Variants in EMSY observed in about 807,000 individuals in gnomAD.
EMSY encodes EMSY transcriptional repressor, BRCA2 interacting, also known as BRCA2-interacting transcriptional repressor EMSY.
In EMSY, 26 loss-of-function variants were observed where a neutral mutation model predicts 134.6. That is an observed-to-expected ratio of 0.19 (90% CI 0.14 to 0.27). The LOEUF (loss-of-function observed/expected upper bound fraction) is 0.27. Among genes scored for constraint, EMSY ranks in the 10% least tolerant of loss-of-function variants. EMSY has a pLI of 1.00. For synonymous variants in EMSY, 579 were observed against 577.8 expected (o/e 1.00, Z -0.03); for missense variants, 1,305 against 1,611.4 (o/e 0.81, Z 3.26).
chr11:76,545,812 A>G, exon 20 of EMSY: 1 of 1,606,748 alleles, frequency 6.2e-7, no homozygotes, highest in South Asian at 1.1e-5. Context: ...GCAGCCAATT[A>G]TAACCCAAGG....
At chr11:76,491,171 TTTTTTC>T (rs1262105970) in intron 8 of EMSY, among the ~76,000 whole-genome samples, 4 of 133,168 alleles carry the variant, frequency 3.0e-5, no homozygotes, top group Non-Finnish European at 6.5e-5. Context: ...TTTCTTCTTC[TTTTTTC>T]TTTTTTTTTT....
chr11:76,486,481 A>G (rs1332333295), intron 8 of EMSY, among the ~76,000 whole-genome samples: 2 of 152,206 alleles, frequency 1.3e-5, no homozygotes, highest in Admixed American at 6.5e-5. Flanking sequence ...AGAGTTTAAC[A>G]TGACGGATGC....
intron 9 of EMSY, among the ~76,000 whole-genome samples, chr11:76,512,641 T>A (rs1253703831): frequency 1.3e-5 from 2 of 150,488 alleles, no homozygotes; most frequent in African/African-American, 4.9e-5. Context: ...TTTTTCTAAA[T>A]GGGAAAAGGG....
At chr11:76,512,264 G>A (rs765097021) in intron 9 of EMSY, among the ~76,000 whole-genome samples, 9 of 151,848 alleles carry the variant, frequency 5.9e-5, no homozygotes, top group Non-Finnish European at 1.3e-4. Context: ...CATTTACCCC[G>A]AGAATACTTG....
chr11:76,450,076 CT>C (rs1947593583), intron 2 of EMSY, among the ~76,000 whole-genome samples: 1 of 134,590 alleles, frequency 7.4e-6, no homozygotes, highest in South Asian at 2.3e-4. Context: ...TTTTTTTTCC[CT>C]GCCTGCCTGG....
chr11:76,510,834 A>G (rs1950249068), intron 9 of EMSY, among the ~76,000 whole-genome samples: 1 of 152,200 alleles, frequency 6.6e-6, no homozygotes, highest in Non-Finnish European at 1.5e-5. Context: ...GTTCTTCTTC[A>G]CTGCAGCCAT....
At chr11:76,449,515 T>C (rs756932367) in intron 2 of EMSY, among the ~76,000 whole-genome samples, 1 of 152,210 alleles carries the variant, frequency 6.6e-6, no homozygotes, top group Non-Finnish European at 1.5e-5. Context: ...AGGTCACAAG[T>C]GTCAACTTCT....
chr11:76,537,931 A>C lies in EMSY; in HGVS notation c.2496A>C (p.Val832=), dbSNP rs143619304. The C allele has an allele frequency of 1.6e-5, 26 of 1,612,706 alleles. No individual in the cohort carries two copies. In the African/African-American group the frequency reaches 2.8e-4, roughly 17 times the overall value. The change falls in exon 16 of 21, where the codon GTA becomes GTC. Residue 832 remains valine, a synonymous_variant. Coordinates refer to ENST00000334736, the Ensembl canonical transcript of EMSY. ...TTGCTGTGGTAGAGTCAGAACTAGT[A>C]GCTGAATACATCACTACTGGTAGGT...
intron 8 of EMSY, among the ~76,000 whole-genome samples, chr11:76,480,834 A>G (rs1244202364): frequency 1.3e-5 from 2 of 152,186 alleles, no homozygotes; most frequent in African/African-American, 4.8e-5. Flanking sequence ...TCCCTCCCCT[A>G]GCCAAGGGAA....
intron 2 of EMSY, among the ~76,000 whole-genome samples, chr11:76,451,151 C>T (rs1265215213): frequency 1.3e-5 from 2 of 152,094 alleles, no homozygotes. Context: ...ATGAAGATGT[C>T]TAGTATTAGG....
intron 17 of EMSY, among the ~76,000 whole-genome samples, chr11:76,541,628 A>G (rs1480280824): frequency 1.3e-5 from 2 of 152,246 alleles, no homozygotes; most frequent in African/African-American, 4.8e-5. Flanking sequence ...ACAGGATCCA[A>G]GCGTGATTCT....
intron 7 of EMSY, among the ~76,000 whole-genome samples, chr11:76,469,266 G>A (rs915645031): frequency 6.6e-6 from 1 of 152,136 alleles, no homozygotes; most frequent in Non-Finnish European, 1.5e-5. Flanking sequence ...ATTAACTGTG[G>A]CATACTTTCC....
exon 19 of EMSY, chr11:76,544,787 C>T: frequency 6.2e-7 from 1 of 1,614,156 alleles, no homozygotes; most frequent in Non-Finnish European, 8.5e-7. Context: ...CCAAATGTCG[C>T]TCCCAGCTTC....
intron 7 of EMSY, among the ~76,000 whole-genome samples, chr11:76,464,832 C>A (rs781330153): frequency 6.6e-6 from 1 of 152,112 alleles, no homozygotes; most frequent in Non-Finnish European, 1.5e-5. Flanking sequence ...CTTTATTCTA[C>A]CTTCCCACTT....
intron 17 of EMSY, among the ~76,000 whole-genome samples, chr11:76,540,299 G>T (rs1237328505): frequency 6.6e-6 from 1 of 151,820 alleles, no homozygotes; most frequent in Non-Finnish European, 1.5e-5. Flanking sequence ...ATATTAATTT[G>T]CTTAATTTTA....
chr11:76,496,618 T>C (rs1206051590), intron 9 of EMSY, 149 bp downstream of exon 10: 1 of 884,524 alleles, frequency 1.1e-6, no homozygotes, highest in Admixed American at 2.0e-5. Flanking sequence ...ATATAGATTC[T>C]GTATATGTTT....
chr11:76,485,278 A>G, intron 8 of EMSY, among the ~76,000 whole-genome samples: 1 of 152,224 alleles, frequency 6.6e-6, no homozygotes. Context: ...CCTGATGAAC[A>G]TCAATGAAAA....
intron 2 of EMSY, among the ~76,000 whole-genome samples, chr11:76,451,217 A>G (rs917476094): frequency 1.3e-5 from 2 of 152,146 alleles, no homozygotes; most frequent in Admixed American, 6.5e-5. Flanking sequence ...ATGTTTCCCA[A>G]TTAGTCATTT....
intron 2 of EMSY, among the ~76,000 whole-genome samples, chr11:76,448,543 A>G (rs1947516318): frequency 6.6e-6 from 1 of 152,096 alleles, no homozygotes; most frequent in African/African-American, 2.4e-5. Flanking sequence ...AAATATAAAA[A>G]TGGTAACCTT....
Sources: allele counts gnomAD v4.1 joint callset (sites outside exome capture counted in the v4.1 genomes callset), GRCh38; gene constraint gnomAD v4.1.1; transcripts MANE v1.5; gene names NCBI Gene and HGNC (gene_info 2026-07-23, HGNC 2026-07-21).